Variants in SNX29 observed in about 807,000 individuals in gnomAD.
SNX29 encodes sorting nexin 29, also known as sorting nexin-29.
Under a neutral mutation model 102.1 loss-of-function variants are expected in SNX29, and 78 were observed. That is an observed-to-expected ratio of 0.76 (90% CI 0.64 to 0.92). The LOEUF is 0.92. Ranked by LOEUF, SNX29 falls within the 40% of genes least tolerant of loss-of-function variation. SNX29 has a pLI of 0.00. For missense variants in SNX29, 1,280 were observed against 1,061.7 expected, an observed-to-expected ratio of 1.21 and a Z score of -2.86; for synonymous variants, 580 against 414.5, an observed-to-expected ratio of 1.40 and a Z score of -4.85.
At chr16:12,401,459 G>GT (rs1182069691) in intron 17 of SNX29, among the ~76,000 whole-genome samples, 3 of 150,652 alleles carry the variant, frequency 2.0e-5, no homozygotes, top group Non-Finnish European at 4.4e-5. Context: ...CTGCCTCCGG[G>GT]TTCAAGTGAT....
chr16:12,540,535 C>G (rs943006189), intron 20 of SNX29, among the ~76,000 whole-genome samples: 5 of 152,252 alleles, frequency 3.3e-5, no homozygotes, highest in East Asian at 1.9e-4. Context: ...TGTTTCGCGG[C>G]TTCCTGGCAG....
intron 14 of SNX29, among the ~76,000 whole-genome samples, chr16:12,232,536 T>A (rs1490753148): frequency 6.6e-6 from 1 of 152,086 alleles, no homozygotes; most frequent in Non-Finnish European, 1.5e-5. Context: ...AACAAATAAA[T>A]GCTTGAATCG....
intron 13 of SNX29, among the ~76,000 whole-genome samples, chr16:12,192,054 A>T (rs1269656942): frequency 1.3e-5 from 2 of 152,190 alleles, no homozygotes; most frequent in Non-Finnish European, 2.9e-5. Context: ...TGTACTTACC[A>T]GGTTCGTTAG....
At position 12,153,747 on chromosome 16, in the gene SNX29, G is replaced by T. The variant is rs559553512; in HGVS notation, c.1595+23989G>T. Among the ~76,000 whole-genome samples, 4 of 152,032 alleles carry T rather than the reference G, an allele frequency of 2.6e-5. No individual in the cohort carries two copies. The East Asian group carries it at 7.7e-4, about 29-fold the overall frequency. The stretch of plus-strand genomic sequence containing the variant: ...TCCATCTCAGCCTCCCAAAGTGCTG[G>T]GATTATGGGAGTGAACCACTGTGCA... On this transcript the variant is annotated intron_variant, in intron 13 of 20. Coordinates refer to ENST00000566228, the MANE Select transcript of SNX29 (RefSeq NM_032167.5).
At chr16:12,526,048 A>G (rs2076774312) in intron 20 of SNX29, among the ~76,000 whole-genome samples, 1 of 152,214 alleles carries the variant, frequency 6.6e-6, no homozygotes, top group African/African-American at 2.4e-5. Flanking sequence ...TAATTGTATT[A>G]TTTCTAAAAT....
At chr16:11,999,189 T>A in intron 1 of SNX29, 108 bp from the exon 2 acceptor site, 1 of 900,920 alleles carries the variant, frequency 1.1e-6, no homozygotes, top group Non-Finnish European at 1.8e-6. Context: ...TATTGATACC[T>A]AGTTGTGCTA....
chr16:12,329,201 C>T (rs745732690), intron 15 of SNX29, among the ~76,000 whole-genome samples: 1 of 138,828 alleles, frequency 7.2e-6, no homozygotes, highest in Non-Finnish European at 1.5e-5. Flanking sequence ...CTCTTGAGCC[C>T]AGGAGTTCAA....
intron 20 of SNX29, among the ~76,000 whole-genome samples, chr16:12,565,854 G>T (rs2078981406): frequency 6.6e-6 from 1 of 152,142 alleles, no homozygotes. Flanking sequence ...CCTCCGGGAA[G>T]CCCTCTGTGC....
At chr16:12,051,723 T>A in intron 7 of SNX29, 124 bp from the exon 8 acceptor site, 1 of 1,361,420 alleles carries the variant, frequency 7.3e-7, no homozygotes, top group Non-Finnish European at 9.9e-7. Context: ...AAAGTCTGAA[T>A]TCATGTTACA....
chr16:12,041,552 G>A (rs1169290696), intron 4 of SNX29, among the ~76,000 whole-genome samples: 1 of 152,220 alleles, frequency 6.6e-6, no homozygotes, highest in African/African-American at 2.4e-5. Flanking sequence ...GGTGACAGCA[G>A]GGCTGCTTCC....
intron 15 of SNX29, 68 bp from the exon 16 acceptor site, chr16:12,356,095 G>C: frequency 6.9e-7 from 1 of 1,455,560 alleles, no homozygotes; most frequent in South Asian, 1.2e-5. Context: ...GGAGAGTCCA[G>C]AGAAGGCGGG....
At chr16:12,543,759 C>T (rs186271979) in intron 20 of SNX29, among the ~76,000 whole-genome samples, 1 of 152,130 alleles carries the variant, frequency 6.6e-6, no homozygotes, top group Non-Finnish European at 1.5e-5. Flanking sequence ...GGGAGATTTT[C>T]CAAGTTTATT....
chr16:12,532,618 C>A (rs1460100654), intron 20 of SNX29, among the ~76,000 whole-genome samples: 1 of 152,136 alleles, frequency 6.6e-6, no homozygotes, highest in East Asian at 1.9e-4. Context: ...TGGAAACACT[C>A]TTTGGGATGC....
At chr16:12,371,603 C>G (rs2082685500) in intron 16 of SNX29, among the ~76,000 whole-genome samples, 2 of 152,216 alleles carry the variant, frequency 1.3e-5, no homozygotes, top group African/African-American at 4.8e-5. Context: ...CTGCACCCAG[C>G]CAGATTTTTA....
intron 20 of SNX29, among the ~76,000 whole-genome samples, chr16:12,567,817 C>A (rs4780452): frequency 3.0e-4 from 46 of 152,014 alleles, no homozygotes; most frequent in South Asian, 6.2e-4. Context: ...TGCTGAGCAC[C>A]CTCTGCTCTC....
chr16:12,088,693 C>A, intron 11 of SNX29, among the ~76,000 whole-genome samples: 1 of 152,232 alleles, frequency 6.6e-6, no homozygotes, highest in East Asian at 1.9e-4. Flanking sequence ...CGCCTGTAAT[C>A]CCAGCACTTT....
At chr16:12,481,543 CACACA>C (rs1567608661) in intron 19 of SNX29, among the ~76,000 whole-genome samples, 1 of 150,428 alleles carries the variant, frequency 6.6e-6, no homozygotes, top group Non-Finnish European at 1.5e-5. Context: ...CACACACACA[CACACA>C]CACACACCCC....
intron 14 of SNX29, among the ~76,000 whole-genome samples, chr16:12,266,686 G>GAAAAAAAA (rs59509183): frequency 3.1e-5 from 4 of 130,948 alleles, no homozygotes; most frequent in Admixed American, 7.9e-5. Flanking sequence ...ATCTATTATT[G>GAAAAAAAA]AAAAAAAAAA....
chr16:12,513,228 C>A (rs759191090), intron 19 of SNX29, among the ~76,000 whole-genome samples: 17 of 151,100 alleles, frequency 1.1e-4, no homozygotes, highest in Non-Finnish European at 2.4e-4. Context: ...CTGCCTTTCT[C>A]CTGCCCTGCT....
Sources: allele counts gnomAD v4.1 joint callset (sites outside exome capture counted in the v4.1 genomes callset), GRCh38; gene constraint gnomAD v4.1.1; transcripts MANE v1.5; gene names NCBI Gene and HGNC (gene_info 2026-07-23, HGNC 2026-07-21).